TENM3: variants seen among roughly 807,000 people sequenced by gnomAD.
TENM3 encodes teneurin transmembrane protein 3.
In TENM3, 63 loss-of-function variants were observed where a neutral mutation model predicts 255.1. That is an observed-to-expected ratio of 0.25 (90% confidence interval 0.20 to 0.30). The LOEUF (loss-of-function observed/expected upper bound fraction) is 0.30. TENM3 is among the 10% of genes least tolerant of loss of function. The pLI, the probability that TENM3 is intolerant of heterozygous loss-of-function variation, is 1.00. For synonymous variants in TENM3, 1,306 were observed against 1,322.3 expected (o/e 0.99, Z 0.27); for missense variants, 2,929 against 3,461.1 (o/e 0.85, Z 3.86).
At chr4:182,425,819 C>T (rs1051018462) in intron 3 of TENM3, among the ~76,000 whole-genome samples, 7 of 151,940 alleles carry the variant, frequency 4.6e-5, no homozygotes, top group African/African-American at 1.7e-4. Context: ...ACCAGCCTGA[C>T]CAACATGGTG....
intron 3 of TENM3, among the ~76,000 whole-genome samples, chr4:182,526,592 G>A (rs1739213468): frequency 6.6e-6 from 1 of 152,114 alleles, no homozygotes; most frequent in Admixed American, 6.5e-5. Context: ...TTTAGTGTCT[G>A]CAACCCTCAC....
chr4:182,665,996 G>A (rs767920978), intron 6 of TENM3, among the ~76,000 whole-genome samples: 3 of 152,080 alleles, frequency 2.0e-5, no homozygotes, highest in Admixed American at 1.3e-4. Flanking sequence ...ATTAGCAAGA[G>A]TTTGGAACTT....
intron 11 of TENM3, among the ~76,000 whole-genome samples, chr4:182,684,780 A>G (rs1756448376): frequency 6.6e-6 from 1 of 152,232 alleles, no homozygotes; most frequent in Admixed American, 6.5e-5. Context: ...GTGATTGGAC[A>G]TGGTTCCCTA....
At chr4:181,475,331 T>C in the TENM3 span, among the ~76,000 whole-genome samples, 2 of 152,230 alleles carry the variant, frequency 1.3e-5, no homozygotes, top group East Asian at 1.9e-4. Context: ...ATGAAAATAC[T>C]ATGAAGAAAG....
At chr4:181,737,999 T>C in the TENM3 span, among the ~76,000 whole-genome samples, 1 of 151,646 alleles carries the variant, frequency 6.6e-6, no homozygotes, top group African/African-American at 2.4e-5. Context: ...GAAAAATAGC[T>C]GGAAAAATAT....
At chr4:182,061,981 T>G in the TENM3 span, among the ~76,000 whole-genome samples, 1 of 152,054 alleles carries the variant, frequency 6.6e-6, no homozygotes, top group East Asian at 1.9e-4. Context: ...ATTAGAAAAT[T>G]AAAAATTAAA....
the TENM3 span, among the ~76,000 whole-genome samples, chr4:182,123,354 C>T: frequency 6.6e-6 from 1 of 152,136 alleles, no homozygotes; most frequent in Admixed American, 6.5e-5. Context: ...TAGCTTTTGA[C>T]TTATTTTGCT....
At chr4:182,405,464 G>A (rs765724975) in intron 3 of TENM3, among the ~76,000 whole-genome samples, 7 of 152,212 alleles carry the variant, frequency 4.6e-5, no homozygotes, top group African/African-American at 1.7e-4. Flanking sequence ...AGACACTAAA[G>A]GAGATGACAA....
intron 3 of TENM3, among the ~76,000 whole-genome samples, chr4:182,436,698 C>T (rs1034363261): frequency 2.0e-5 from 3 of 152,174 alleles, no homozygotes; most frequent in Non-Finnish European, 2.9e-5. Context: ...ACCTTGTTAC[C>T]TCTCTTGACT....
upstream of TENM3, among the ~76,000 whole-genome samples, chr4:182,240,455 T>G (rs1313434892): frequency 6.6e-6 from 1 of 152,188 alleles, no homozygotes; most frequent in African/African-American, 2.4e-5. Flanking sequence ...TTGATCCCAG[T>G]CCCCTGTTAG....
intron 20 of TENM3, among the ~76,000 whole-genome samples, chr4:182,752,584 C>G (rs945047779): frequency 6.6e-5 from 10 of 152,126 alleles, no homozygotes; most frequent in Admixed American, 5.2e-4. Flanking sequence ...TGATTCCCTG[C>G]TCATGTATTA....
At chr4:181,591,976 A>G in the TENM3 span, among the ~76,000 whole-genome samples, 2 of 151,932 alleles carry the variant, frequency 1.3e-5, no homozygotes, top group East Asian at 3.9e-4. Flanking sequence ...AAAAGAGTCC[A>G]TACTCTATGA....
the TENM3 span, among the ~76,000 whole-genome samples, chr4:181,673,844 T>TGG: frequency 1.5e-5 from 2 of 133,650 alleles, no homozygotes; most frequent in African/African-American, 5.9e-5. Context: ...CAGAAGTGTG[T>TGG]GGTGTGTGTG....
chr4:181,472,926 G>A, the TENM3 span, among the ~76,000 whole-genome samples: 2 of 152,140 alleles, frequency 1.3e-5, no homozygotes, highest in Non-Finnish European at 2.9e-5. Context: ...ATACATTTTA[G>A]AAGAGTGCTT....
the TENM3 span, among the ~76,000 whole-genome samples, chr4:181,605,632 A>C: frequency 6.6e-6 from 1 of 151,962 alleles, no homozygotes; most frequent in African/African-American, 2.4e-5. Context: ...GAACAAGCAA[A>C]CCAGCACCAC....
chr4:181,830,362 G>A, the TENM3 span, among the ~76,000 whole-genome samples: 27 of 152,132 alleles, frequency 1.8e-4, 1 homozygote, highest in South Asian at 1.9e-3. Flanking sequence ...TCCCCATCCC[G>A]GGTTCAAGTG....
chr4:181,877,878 A>T, the TENM3 span, among the ~76,000 whole-genome samples: 1 of 152,172 alleles, frequency 6.6e-6, no homozygotes. Context: ...AGTCTTCTAG[A>T]TGGATATGGA....
chr4:181,721,599 CAAAAAAA>C, the TENM3 span, among the ~76,000 whole-genome samples: 19 of 25,584 alleles, frequency 7.4e-4, no homozygotes, highest in South Asian at 3.0e-3. Flanking sequence ...GACTCCGTCT[CAAAAAAA>C]AAAAAAAAAA....
the TENM3 span, among the ~76,000 whole-genome samples, chr4:181,941,892 A>C: frequency 6.6e-6 from 1 of 152,286 alleles, no homozygotes; most frequent in East Asian, 1.9e-4. Context: ...TAAATATTTT[A>C]AGTTTGATCC....
Sources: allele counts gnomAD v4.1 joint callset (sites outside exome capture counted in the v4.1 genomes callset), GRCh38; gene constraint gnomAD v4.1.1; transcripts MANE v1.5; gene names NCBI Gene and HGNC (gene_info 2026-07-23, HGNC 2026-07-21).